DENND1A: variants seen among roughly 807,000 people sequenced by gnomAD.
DENND1A encodes the protein DENN domain-containing protein 1A.
DENND1A carries 51 observed loss-of-function variants against 113.7 expected under a neutral mutation model. The ratio of observed to expected loss-of-function variants is 0.45; its 90% CI spans 0.36 to 0.57. The LOEUF (loss-of-function observed/expected upper bound fraction) is 0.57. DENND1A is among the 20% of genes least tolerant of loss of function. DENND1A has a pLI of 0.00. For missense variants in DENND1A, 1,258 were observed against 1,395.9 expected, an observed-to-expected ratio of 0.90 and a Z score of 1.57; for synonymous variants, 565 against 570.8, an observed-to-expected ratio of 0.99 and a Z score of 0.14.
At chr9:123,603,627 C>T (rs1233641314) in intron 11 of DENND1A, among the ~76,000 whole-genome samples, 1 of 152,162 alleles carries the variant, frequency 6.6e-6, no homozygotes, top group Non-Finnish European at 1.5e-5. Flanking sequence ...AGCTGGGGGC[C>T]CCCCAACTGG....
chr9:123,681,770 G>A (rs1475206725), intron 5 of DENND1A, among the ~76,000 whole-genome samples: 1 of 152,142 alleles, frequency 6.6e-6, no homozygotes, highest in Admixed American at 6.5e-5. Flanking sequence ...GAGAAGGCCT[G>A]GAAGCAGAGA....
At chr9:123,762,792 A>G (rs2071151391) in intron 4 of DENND1A, among the ~76,000 whole-genome samples, 1 of 152,246 alleles carries the variant, frequency 6.6e-6, no homozygotes, top group Admixed American at 6.5e-5. Flanking sequence ...CCCTACTGAG[A>G]TAATGTGGTC....
At chr9:123,469,547 A>C (rs950153544) in intron 13 of DENND1A, among the ~76,000 whole-genome samples, 8 of 152,222 alleles carry the variant, frequency 5.3e-5, no homozygotes, top group African/African-American at 1.9e-4. Flanking sequence ...GAAGTCAGGA[A>C]ATTCTGATTA....
chr9:123,502,721 C>G (rs1263348599), intron 13 of DENND1A, among the ~76,000 whole-genome samples: 4 of 152,170 alleles, frequency 2.6e-5, no homozygotes, highest in Non-Finnish European at 5.9e-5. Flanking sequence ...TCTTTCGTAG[C>G]CTGTGCCTTT....
At chr9:123,779,177 T>G (rs1830883702) in intron 3 of DENND1A, among the ~76,000 whole-genome samples, 1 of 152,210 alleles carries the variant, frequency 6.6e-6, no homozygotes, top group African/African-American at 2.4e-5. Context: ...AGAATATTTT[T>G]AAAGCAATAT....
intron 1 of DENND1A, among the ~76,000 whole-genome samples, chr9:123,925,506 G>T (rs1272309196): frequency 3.3e-5 from 5 of 152,088 alleles, no homozygotes; most frequent in Non-Finnish European, 7.4e-5. Context: ...GTTTTGGTGG[G>T]GAGGGAGTCT....
intron 8 of DENND1A, among the ~76,000 whole-genome samples, chr9:123,655,442 T>C (rs1261875726): frequency 2.0e-5 from 3 of 152,200 alleles, no homozygotes; most frequent in East Asian, 3.9e-4. Flanking sequence ...CCAGAAAACC[T>C]GGCTCTGAGC....
chr9:123,612,272 G>A (rs1455700953), intron 10 of DENND1A, among the ~76,000 whole-genome samples: 1 of 152,208 alleles, frequency 6.6e-6, no homozygotes, highest in Non-Finnish European at 1.5e-5. Context: ...ATCTCAATGT[G>A]GTACTTATCC....
At chr9:123,475,127 T>A (rs943986776) in intron 13 of DENND1A, among the ~76,000 whole-genome samples, 2 of 152,134 alleles carry the variant, frequency 1.3e-5, no homozygotes, top group Non-Finnish European at 2.9e-5. Context: ...CAAGTGGTTC[T>A]CCTGCCTCAG....
chr9:123,583,521 C>A (rs1300781223), intron 11 of DENND1A, among the ~76,000 whole-genome samples: 1 of 152,126 alleles, frequency 6.6e-6, no homozygotes, highest in East Asian at 1.9e-4. Flanking sequence ...GTAACATGCC[C>A]CAGGTCACAT....
intron 8 of DENND1A, among the ~76,000 whole-genome samples, chr9:123,663,428 G>T (rs139920231): frequency 4.0e-5 from 6 of 151,774 alleles, no homozygotes; most frequent in African/African-American, 1.5e-4. Context: ...TATAGTTTTC[G>T]TTCACCGCCA....
At chr9:123,496,659 G>A (rs1296365309) in intron 13 of DENND1A, among the ~76,000 whole-genome samples, 2 of 152,190 alleles carry the variant, frequency 1.3e-5, no homozygotes, top group Non-Finnish European at 2.9e-5. Flanking sequence ...CTGCAGATCT[G>A]CGGAACTGCG....
Position 123,440,425 on chromosome 9 carries a change from G to C in DENND1A, c.1423C>G (p.Leu475Val). Residue 475 changes from leucine to valine, a missense_variant, in exon 19 of 24, where the codon CTG becomes GTG. By Grantham distance (32) the Leu-to-Val change is conservative. Around this residue, in one of 2 missense-constraint regions of DENND1A, gnomAD observed 1,159 missense variants for 1,231.7 expected, o/e 0.94. Coordinates refer to ENST00000394215, the MANE Select transcript of DENND1A (RefSeq NM_001352964.2). Reference sequence around the variant, plus strand: ...AGCTTGGGGTCCTTGGCCTCCACCAGTGGGGACGGTGCAGTCTTTGGCAGC... The same window carrying C: ...AGCTTGGGGTCCTTGGCCTCCACCACTGGGGACGGTGCAGTCTTTGGCAGC... ...EQLPKTAPSP[L>V]VEAKDPKLRE... The C allele has an allele frequency of 6.3e-7, 1 of 1,588,816 alleles. No individual in the cohort carries two copies.
At chr9:123,760,465 C>G (rs993215605) in intron 4 of DENND1A, among the ~76,000 whole-genome samples, 38 of 152,206 alleles carry the variant, frequency 2.5e-4, no homozygotes, top group Non-Finnish European at 4.6e-4. Flanking sequence ...AAGTGTTCCA[C>G]TCTCCTTATT....
At chr9:123,884,966 C>CCCA (rs1848802811) in intron 1 of DENND1A, among the ~76,000 whole-genome samples, 1 of 151,942 alleles carries the variant, frequency 6.6e-6, no homozygotes, top group South Asian at 2.1e-4. Flanking sequence ...CAACAACCCT[C>CCCA]CCATCTCCCA....
intron 10 of DENND1A, among the ~76,000 whole-genome samples, chr9:123,630,159 G>A (rs913713717): frequency 6.8e-6 from 1 of 148,016 alleles, no homozygotes; most frequent in Non-Finnish European, 1.5e-5. Context: ...TACCAACTCA[G>A]CCTCCTGAGT....
chr9:123,502,452 C>T (rs2052572090), intron 13 of DENND1A, among the ~76,000 whole-genome samples: 1 of 152,186 alleles, frequency 6.6e-6, no homozygotes, highest in South Asian at 2.1e-4. Context: ...TAGTGATGAA[C>T]ATATGCTTAT....
intron 13 of DENND1A, among the ~76,000 whole-genome samples, chr9:123,493,517 T>A (rs1221979178): frequency 6.6e-6 from 1 of 152,092 alleles, no homozygotes; most frequent in Non-Finnish European, 1.5e-5. Context: ...ACACCAGAAA[T>A]GCCTGCTCCA....
intron 13 of DENND1A, among the ~76,000 whole-genome samples, chr9:123,539,846 G>A (rs2056144909): frequency 6.9e-6 from 1 of 145,232 alleles, no homozygotes; most frequent in Non-Finnish European, 1.5e-5. Context: ...TCGCGCCACT[G>A]CACTCCAGCC....
Sources: gnomAD v4.1 joint callset for allele counts (sites outside exome capture counted in the v4.1 genomes callset) on GRCh38, gnomAD v4.1.1 for gene constraint, gnomAD v4.1.1 regional missense constraint, MANE v1.5 for transcripts, NCBI Gene and HGNC (gene_info 2026-07-23, HGNC 2026-07-21) for gene names.